NREP: variants seen among roughly 807,000 people sequenced by gnomAD.
NREP encodes the protein neuronal regeneration related protein.
In NREP, 5 loss-of-function variants were observed where a neutral mutation model predicts 8.6. The ratio of observed to expected loss-of-function variants is 0.58; its 90% CI spans 0.30 to 1.22. The LOEUF is 1.22. Among genes scored for constraint, NREP ranks in the 50% most tolerant of loss-of-function variants. The pLI, the probability that NREP is intolerant of heterozygous loss-of-function variation, is 0.07. For missense variants in NREP, 86 were observed against 82.5 expected, an observed-to-expected ratio of 1.04 and a Z score of -0.17; for synonymous variants, 27 against 28.0, an observed-to-expected ratio of 0.96 and a Z score of 0.11.
intron 2 of NREP, among the ~76,000 whole-genome samples, chr5:111,887,311 T>C (rs1754285709): frequency 6.6e-6 from 1 of 152,194 alleles, no homozygotes; most frequent in African/African-American, 2.4e-5. Flanking sequence ...TGTATTACCA[T>C]TATCCTCAGT....
At position 111,896,289 on chromosome 5, in the gene NREP, G is replaced by A. The variant is rs181256197; in HGVS notation, c.135+78985C>T. On this transcript the variant is annotated intron_variant, in intron 2 of 3. Transcript: ENST00000395634. ...CAAATGAAGAATCAGGGATTATAAC[G>A]AAGTTTTGGTTTAACAATTGAGTGG... Among the ~76,000 whole-genome samples, 277 of 152,244 alleles carry A rather than the reference G, an allele frequency of 1.8e-3. 2 individuals are homozygous for A. The highest frequency in any genetic ancestry group is 3.7e-3 in the Admixed American group (56 of 15,282).
intron 2 of NREP, among the ~76,000 whole-genome samples, chr5:111,836,482 G>T (rs187535758): frequency 6.6e-6 from 1 of 151,998 alleles, no homozygotes; most frequent in African/African-American, 2.4e-5. Context: ...AATAAAATTG[G>T]CAACATTAAC....
chr5:111,891,146 G>C (rs1318145769), intron 2 of NREP, among the ~76,000 whole-genome samples: 1 of 152,174 alleles, frequency 6.6e-6, no homozygotes, highest in Non-Finnish European at 1.5e-5. Flanking sequence ...GCCATGTCTA[G>C]AACACTTGGC....
intron 2 of NREP, among the ~76,000 whole-genome samples, chr5:111,954,416 T>A (rs1478586054): frequency 6.6e-6 from 1 of 152,190 alleles, no homozygotes; most frequent in Non-Finnish European, 1.5e-5. Flanking sequence ...AGGTTGTCAA[T>A]GTTATCATTG....
chr5:111,798,322 T>C (rs1751918305), intron 2 of NREP, among the ~76,000 whole-genome samples: 1 of 152,250 alleles, frequency 6.6e-6, no homozygotes, highest in East Asian at 1.9e-4. Context: ...TCTAATTTCA[T>C]AACTTTGTCT....
chr5:111,789,391 T>A (rs1486910003), intron 2 of NREP, among the ~76,000 whole-genome samples: 4 of 152,230 alleles, frequency 2.6e-5, no homozygotes, highest in Non-Finnish European at 5.9e-5. Context: ...TAATGTGTAT[T>A]ATTCCACCTA....
chr5:111,835,269 A>T (rs1752865909), intron 2 of NREP, among the ~76,000 whole-genome samples: 2 of 152,152 alleles, frequency 1.3e-5, no homozygotes, highest in South Asian at 4.1e-4. Context: ...CTATAAAATA[A>T]TTATTAGTCT....
chr5:111,876,195 T>C (rs1199328016), intron 2 of NREP, among the ~76,000 whole-genome samples: 2 of 152,210 alleles, frequency 1.3e-5, no homozygotes, highest in African/African-American at 4.8e-5. Context: ...CACATCCCCA[T>C]GCATGCTTCT....
At chr5:111,771,801 A>G (rs1434441222) in intron 2 of NREP, among the ~76,000 whole-genome samples, 1 of 151,918 alleles carries the variant, frequency 6.6e-6, no homozygotes, top group African/African-American at 2.4e-5. Flanking sequence ...TAGAATATTT[A>G]GAAGCAAGAT....
chr5:111,962,619 C>T (rs1030066544), intron 2 of NREP, among the ~76,000 whole-genome samples: 4 of 152,192 alleles, frequency 2.6e-5, no homozygotes, highest in African/African-American at 4.8e-5. Flanking sequence ...TCCCTGTTTG[C>T]CCACTCTCTC....
chr5:111,817,537 G>A (rs1752411147), intron 2 of NREP, among the ~76,000 whole-genome samples: 1 of 151,986 alleles, frequency 6.6e-6, no homozygotes, highest in Non-Finnish European at 1.5e-5. Context: ...TTGGCATGGT[G>A]GCTCACACCT....
chr5:111,911,381 C>G (rs1287008523), intron 2 of NREP, among the ~76,000 whole-genome samples: 1 of 151,976 alleles, frequency 6.6e-6, no homozygotes, highest in Non-Finnish European at 1.5e-5. Flanking sequence ...GAAGCATTAC[C>G]TATTTGTTAG....
intron 2 of NREP, among the ~76,000 whole-genome samples, chr5:111,893,706 T>C (rs1243796949): frequency 6.6e-6 from 1 of 151,070 alleles, no homozygotes; most frequent in African/African-American, 2.4e-5. Context: ...TAGATGCATT[T>C]TTAGGCACCT....
At chr5:111,888,876 AAAATGAGC>A (rs754686269) in intron 2 of NREP, among the ~76,000 whole-genome samples, 86 of 152,334 alleles carry the variant, frequency 5.6e-4, no homozygotes, top group Non-Finnish European at 9.1e-4. Flanking sequence ...ATAGGAGTAC[AAAATGAGC>A]AAATATGTAA....
intron 2 of NREP, among the ~76,000 whole-genome samples, chr5:111,931,426 G>A (rs1417938710): frequency 6.6e-6 from 1 of 152,068 alleles, no homozygotes; most frequent in African/African-American, 2.4e-5. Flanking sequence ...GGCCCACATG[G>A]TGTGGAGTTT....
chr5:111,964,562 GT>G (rs1052355398), intron 2 of NREP, among the ~76,000 whole-genome samples: 12 of 151,894 alleles, frequency 7.9e-5, no homozygotes, highest in African/African-American at 2.9e-4. Context: ...TAGAGGTGGG[GT>G]TTGCCCATGT....
At chr5:111,923,720 C>T (rs1016402945) in intron 2 of NREP, among the ~76,000 whole-genome samples, 1 of 152,168 alleles carries the variant, frequency 6.6e-6, no homozygotes, top group African/African-American at 2.4e-5. Flanking sequence ...AACCCACTGG[C>T]TGTTGAGCTG....
intron 2 of NREP, among the ~76,000 whole-genome samples, chr5:111,906,750 A>G (rs1754787961): frequency 6.6e-6 from 1 of 151,860 alleles, no homozygotes; most frequent in African/African-American, 2.4e-5. Context: ...TTTAATTTGC[A>G]TTTCTCTAAG....
At chr5:111,911,788 C>A (rs975217411) in intron 2 of NREP, among the ~76,000 whole-genome samples, 9 of 151,980 alleles carry the variant, frequency 5.9e-5, no homozygotes, top group Non-Finnish European at 1.0e-4. Context: ...TTGAGGAGAC[C>A]TCTGCATAGA....
Sources: gnomAD v4.1 joint callset for allele counts (sites outside exome capture counted in the v4.1 genomes callset) on GRCh38, gnomAD v4.1.1 for gene constraint, MANE v1.5 for transcripts, NCBI Gene and HGNC (gene_info 2026-07-23, HGNC 2026-07-21) for gene names.